The following BLNK variants were observed in gnomAD, a reference collection of about 807,000 sequenced individuals.
BLNK encodes B-cell linker protein.
A neutral mutation model predicts 73.5 loss-of-function variants in BLNK; 29 were observed. That is an observed-to-expected ratio of 0.39 (90% CI 0.29 to 0.54). BLNK has a LOEUF of 0.54. BLNK is among the 20% of genes least tolerant of loss of function. The probability of loss-of-function intolerance (pLI) is 0.61; values close to 1 mark genes in which losing one functional copy is unlikely to be tolerated. For missense variants in BLNK, 460 were observed against 562.8 expected, an observed-to-expected ratio of 0.82 and a Z score of 1.85; for synonymous variants, 176 against 200.8, an observed-to-expected ratio of 0.88 and a Z score of 1.04.
At chr10:96,205,708 T>G (rs2083782846) in intron 11 of BLNK, among the ~76,000 whole-genome samples, 1 of 152,228 alleles carries the variant, frequency 6.6e-6, no homozygotes. Flanking sequence ...TCACTCACTT[T>G]GCATTTGGAT....
At chr10:96,249,546 T>C (rs997476105) in intron 1 of BLNK, among the ~76,000 whole-genome samples, 1 of 152,198 alleles carries the variant, frequency 6.6e-6, no homozygotes, top group East Asian at 1.9e-4. Context: ...GGATAGGGAA[T>C]TGGGAAAAGG....
At chr10:96,228,506 C>A (rs953098375) in intron 4 of BLNK, among the ~76,000 whole-genome samples, 2 of 152,196 alleles carry the variant, frequency 1.3e-5, no homozygotes, top group Non-Finnish European at 2.9e-5. Context: ...ATCTGCCAGC[C>A]TCGGCCTCCC....
At chr10:96,254,907 C>T (rs534792158) in intron 1 of BLNK, among the ~76,000 whole-genome samples, 8 of 152,142 alleles carry the variant, frequency 5.3e-5, no homozygotes, top group Non-Finnish European at 7.4e-5. Flanking sequence ...TTAAAGAAAT[C>T]GTCTTGACTT....
At chr10:96,250,140 G>A (rs73318819) in intron 1 of BLNK, among the ~76,000 whole-genome samples, 5,265 of 152,210 alleles carry the variant, frequency 0.035, 303 homozygotes, top group African/African-American at 0.12. Context: ...TGATACAAGT[G>A]TAAGAGCTCA....
chr10:96,225,918 T>A (rs1842239416), intron 5 of BLNK, among the ~76,000 whole-genome samples: 1 of 152,194 alleles, frequency 6.6e-6, no homozygotes, highest in Non-Finnish European at 1.5e-5. Flanking sequence ...GTGCTGGGAT[T>A]ACAGGTGTGA....
chr10:96,222,824 G>C (rs939398269), intron 6 of BLNK, among the ~76,000 whole-genome samples: 1 of 152,204 alleles, frequency 6.6e-6, no homozygotes, highest in Non-Finnish European at 1.5e-5. Context: ...AGGAAAGAAA[G>C]CAAGGTGGCG....
chr10:96,236,560 A>G (rs1842697930), intron 3 of BLNK, among the ~76,000 whole-genome samples: 2 of 152,120 alleles, frequency 1.3e-5, no homozygotes, highest in South Asian at 4.2e-4. Context: ...GTGGGCTCAC[A>G]CCTGTAATCC....
Position 96,230,843 on chromosome 10 carries a change from G to A in BLNK, c.164-9C>T, listed in dbSNP as rs587723501. On this transcript the variant is annotated splice_polypyrimidine_tract_variant and intron_variant, in intron 3 of 16. Coordinates refer to ENST00000224337, the MANE Select transcript of BLNK (RefSeq NM_013314.4). ...TTCGTCAGCAGGGCTCTCTGCAACA[G>A]CAGGGGAGAAGCAGAAGGCACAAGT... 603 of 1,610,776 alleles carry A rather than the reference G, an allele frequency of 3.7e-4. 3 individuals carry two copies. The South Asian group carries it at 6.2e-3, about 17-fold the overall frequency.
At chr10:96,234,742 A>G (rs782627200) in intron 3 of BLNK, among the ~76,000 whole-genome samples, 28 of 152,290 alleles carry the variant, frequency 1.8e-4, no homozygotes, top group Middle Eastern at 3.4e-3. Context: ...TCAAAACACC[A>G]CTGATTCTAA....
chr10:96,231,981 A>G (rs1554904090), intron 3 of BLNK, among the ~76,000 whole-genome samples: 2 of 152,238 alleles, frequency 1.3e-5, no homozygotes, highest in Non-Finnish European at 2.9e-5. Context: ...TAAGTAGTTT[A>G]TGAGCTTGTA....
intron 5 of BLNK, among the ~76,000 whole-genome samples, chr10:96,224,200 T>C (rs1214644557): frequency 6.6e-6 from 1 of 152,180 alleles, no homozygotes; most frequent in Admixed American, 6.5e-5. Context: ...AAGAACGTCC[T>C]CATTAAAAAC....
chr10:96,263,815 C>T (rs1843869787), intron 1 of BLNK, among the ~76,000 whole-genome samples: 1 of 152,312 alleles, frequency 6.6e-6, no homozygotes, highest in African/African-American at 2.4e-5. Flanking sequence ...GAGCAACCTC[C>T]TGAGAGAGGG....
intron 11 of BLNK, among the ~76,000 whole-genome samples, chr10:96,205,870 G>A (rs1554897317): frequency 6.6e-6 from 1 of 152,180 alleles, no homozygotes; most frequent in Non-Finnish European, 1.5e-5. Flanking sequence ...GGCTCTTGTA[G>A]CCATGAAGTC....
At position 96,244,049 on chromosome 10, in the gene BLNK, C is replaced by T. The variant is rs191796694; in HGVS notation, c.114-1265G>A. Among the ~76,000 whole-genome samples, 34 of 152,026 alleles carry T rather than the reference C, an allele frequency of 2.2e-4. No individual in the cohort carries two copies. In the East Asian group the frequency reaches 5.2e-3, roughly 23 times the overall value. The stretch of plus-strand genomic sequence containing the variant: ...AAAAAATGCACACAAAAACAATTTA[C>T]AAACCAAAATTGTAATTTGCAAAAA... On this transcript the variant is annotated intron_variant, in intron 2 of 16. Transcript: ENST00000224337.
chr10:96,200,937 A>C lies in BLNK; in HGVS notation c.1011+45T>G, dbSNP rs1345233215. The C allele has an allele frequency of 2.0e-6, 3 of 1,534,478 alleles. No individual in the cohort carries two copies. Among genetic ancestry groups the C allele is most frequent in the Non-Finnish European group, 1.8e-6 (2 of 1,107,702 alleles). Reference sequence around the variant, plus strand: ...TCTCAGAAGACATGCTCTTTCCTGCAGTTTCCTGGTAACAATTTAGTGACA... The same window carrying C: ...TCTCAGAAGACATGCTCTTTCCTGCCGTTTCCTGGTAACAATTTAGTGACA... On this transcript the variant is annotated intron_variant, in intron 14 of 16. Coordinates refer to ENST00000224337, the MANE Select transcript of BLNK (RefSeq NM_013314.4). The surrounding 1 kb of genome is among the most constrained non-coding windows in gnomAD (Gnocchi z 4.3).
chr10:96,189,891 T>C lies in BLNK; in HGVS notation c.*2082A>G, dbSNP rs1255187489. The C allele has an allele frequency of 9.4e-6, 10 of 1,060,048 alleles. No individual in the cohort carries two copies. The highest frequency in any genetic ancestry group is 3.0e-5 in the African/African-American group (2 of 65,626). 65.7% of individuals were successfully genotyped at this position (1,060,048 alleles called of 1,614,324 possible). The stretch of plus-strand genomic sequence containing the variant: ...ACAGCTACTAAATGCTGTCCACTAA[T>C]ATGCACTGGCCCTGAACCACACTTC... On this transcript the variant is annotated 3_prime_UTR_variant, in exon 17 of 17. Coordinates refer to ENST00000224337, the MANE Select transcript of BLNK (RefSeq NM_013314.4).
chr10:96,195,941 C>G (rs2083454585), intron 16 of BLNK, among the ~76,000 whole-genome samples: 1 of 152,214 alleles, frequency 6.6e-6, no homozygotes, highest in African/African-American at 2.4e-5. Context: ...CAAGTGTACA[C>G]TGAAGCCAGT....
intron 1 of BLNK, among the ~76,000 whole-genome samples, chr10:96,247,755 G>C (rs1354899144): frequency 6.6e-6 from 1 of 152,130 alleles, no homozygotes; most frequent in East Asian, 1.9e-4. Context: ...CCCAGGCCAA[G>C]TCTTCCTGTG....
Position 96,191,159 on chromosome 10 carries a change from C to A in BLNK, c.*814G>T, listed in dbSNP as rs1269603510. On this transcript the variant is annotated 3_prime_UTR_variant, in exon 17 of 17. Coordinates refer to ENST00000224337, the MANE Select transcript of BLNK (RefSeq NM_013314.4). ...CTTGCCTGCCACCATGTAAAACATG[C>A]CTTTGCTTCTTCTTTGCCTTCTGCC... 6.6e-6 allele frequency among the ~76,000 whole-genome samples: 1 copy of A among 151,666 alleles called. No homozygotes were observed. Among genetic ancestry groups the A allele is most frequent in the South Asian group, 2.1e-4 (1 of 4,808 alleles).
Sources: gnomAD v4.1 joint callset for allele counts (sites outside exome capture counted in the v4.1 genomes callset) on GRCh38, gnomAD v4.1.1 for gene constraint, Gnocchi (gnomAD v3.1) non-coding constraint, MANE v1.5 for transcripts, NCBI Gene and HGNC (gene_info 2026-07-23, HGNC 2026-07-21) for gene names.